PDZD2: variants seen among roughly 807,000 people sequenced by gnomAD.
PDZD2 encodes PDZ domain containing 2.
In PDZD2, 90 loss-of-function variants were observed where a neutral mutation model predicts 220.7. The observed-to-expected ratio is 0.41, with a 90% confidence interval of 0.34 to 0.49. The LOEUF (loss-of-function observed/expected upper bound fraction) is 0.49, where lower values mean the gene tolerates loss of function less well. Ranked by LOEUF, PDZD2 falls within the 20% of genes least tolerant of loss-of-function variation. The pLI, the probability that PDZD2 is intolerant of heterozygous loss-of-function variation, is 0.28. For synonymous variants in PDZD2, 1,375 were observed against 1,450.5 expected, an observed-to-expected ratio of 0.95 and a Z score of 1.18; for missense variants, 3,174 against 3,608.5, an observed-to-expected ratio of 0.88 and a Z score of 3.08.
At chr5:31,654,562 C>T (rs894648272) in intron 1 of PDZD2, among the ~76,000 whole-genome samples, 27 of 152,302 alleles carry the variant, frequency 1.8e-4, no homozygotes, top group Admixed American at 1.8e-3. Flanking sequence ...ACTTGACCCT[C>T]CTGCTGAAGG....
chr5:31,937,713 A>G (rs1180760584), intron 2 of PDZD2, among the ~76,000 whole-genome samples: 1 of 152,134 alleles, frequency 6.6e-6, no homozygotes, highest in African/African-American at 2.4e-5. Flanking sequence ...TTTTCACCCC[A>G]TGTTCCTACC....
At chr5:31,725,515 CA>C (rs1749071966) in intron 1 of PDZD2, 9 of 1,295,192 alleles carry the variant, frequency 6.9e-6, no homozygotes, top group Non-Finnish European at 9.5e-6. Context: ...TAAAAATGAT[CA>C]TGGTTTATAC....
chr5:31,833,837 C>A (rs11740457), intron 2 of PDZD2, among the ~76,000 whole-genome samples: 86,180 of 151,946 alleles, frequency 0.57, 25,006 homozygotes, highest in African/African-American at 0.67. Flanking sequence ...ACCTAGGCTC[C>A]GACTCCCCTG....
chr5:32,076,753 T>C (rs1741341504), intron 18 of PDZD2, among the ~76,000 whole-genome samples: 3 of 152,248 alleles, frequency 2.0e-5, no homozygotes, highest in African/African-American at 7.2e-5. Context: ...TGTTTTTATG[T>C]TACATTTGTG....
chr5:31,729,813 G>GTTGTTTTGTT (rs370346356), intron 1 of PDZD2, among the ~76,000 whole-genome samples: 2,774 of 151,790 alleles, frequency 0.018, 50 homozygotes, highest in South Asian at 0.055. Context: ...AGTTACTTCT[G>GTTGTTTTGTT]TTGTTTTGTT....
chr5:31,699,966 G>T (rs1176854578), intron 1 of PDZD2, among the ~76,000 whole-genome samples: 5 of 152,126 alleles, frequency 3.3e-5, no homozygotes, highest in Non-Finnish European at 7.4e-5. Flanking sequence ...CATCCTGAAA[G>T]CTTGGGGAAC....
chr5:31,869,388 A>C (rs1738537699), intron 2 of PDZD2, among the ~76,000 whole-genome samples: 1 of 152,026 alleles, frequency 6.6e-6, no homozygotes, highest in African/African-American at 2.4e-5. Flanking sequence ...CCCTTGGAAC[A>C]GAAATGTATT....
intron 2 of PDZD2, among the ~76,000 whole-genome samples, chr5:31,875,662 T>G (rs1381020492): frequency 2.7e-5 from 4 of 148,262 alleles, no homozygotes; most frequent in African/African-American, 9.8e-5. Context: ...TTTTAAAATA[T>G]AAGCATATAA....
chr5:31,643,613 C>T (rs1745028344), intron 1 of PDZD2, among the ~76,000 whole-genome samples: 1 of 152,114 alleles, frequency 6.6e-6, no homozygotes, highest in African/African-American at 2.4e-5. Context: ...TCTTGTCTTT[C>T]AATAGCAGTG....
chr5:32,003,291 A>G (rs1453014607), intron 5 of PDZD2, among the ~76,000 whole-genome samples: 1 of 112,326 alleles, frequency 8.9e-6, no homozygotes, highest in Non-Finnish European at 1.8e-5. Flanking sequence ...CACACACACC[A>G]CAGCAAACAC....
At chr5:31,842,629 T>G (rs1757375448) in intron 2 of PDZD2, among the ~76,000 whole-genome samples, 1 of 152,204 alleles carries the variant, frequency 6.6e-6, no homozygotes, top group African/African-American at 2.4e-5. Context: ...TTTTCACAGT[T>G]TCATTGCTTG....
intron 20 of PDZD2, 65 bp downstream of exon 20, chr5:32,091,240 T>C: frequency 7.7e-7 from 1 of 1,303,220 alleles, no homozygotes; most frequent in African/African-American, 1.5e-5. Context: ...GTTTTAGATT[T>C]ATAGAAAAGT....
intron 1 of PDZD2, among the ~76,000 whole-genome samples, chr5:31,642,114 T>C (rs1323640938): frequency 6.6e-6 from 1 of 152,126 alleles, no homozygotes; most frequent in Non-Finnish European, 1.5e-5. Context: ...TGGGGGCATC[T>C]CTGTTGGAAG....
At chr5:31,806,356 T>G (rs1754713457) in intron 2 of PDZD2, among the ~76,000 whole-genome samples, 1 of 152,198 alleles carries the variant, frequency 6.6e-6, no homozygotes, top group Non-Finnish European at 1.5e-5. Context: ...TTGACAGAAC[T>G]TCTGTACCCC....
In PDZD2 at chr5:31,960,290, C is replaced by T. The variant is rs1748096459; in HGVS notation, c.477-22865C>T. ...GGAGTGCCATGGCGCGATCTCGGCT[C>T]ACCACAACCTCCACCCCCCAGGTTC... is the stretch of plus-strand genomic sequence containing the variant. On this transcript the variant is annotated intron_variant, in intron 2 of 24. Transcript: ENST00000438447. 2.0e-5 allele frequency among the ~76,000 whole-genome samples: 3 copies of T among 151,992 alleles called. No individual in the cohort carries two copies. The South Asian group carries it at 6.2e-4, about 32-fold the overall frequency.
At chr5:31,989,437 T>TTTTA (rs1289568126) in intron 3 of PDZD2, among the ~76,000 whole-genome samples, 1 of 149,654 alleles carries the variant, frequency 6.7e-6, no homozygotes, top group East Asian at 2.0e-4. Context: ...TTTTTTTTTT[T>TTTTA]TTTGAGACGA....
intron 1 of PDZD2, among the ~76,000 whole-genome samples, chr5:31,691,441 G>A (rs2150128373): frequency 6.6e-6 from 1 of 152,270 alleles, no homozygotes. Flanking sequence ...TGCCACTGCT[G>A]GCTGGGGCAG....
intron 2 of PDZD2, among the ~76,000 whole-genome samples, chr5:31,931,914 A>G (rs2150392630): frequency 6.6e-6 from 1 of 152,264 alleles, no homozygotes; most frequent in South Asian, 2.1e-4. Context: ...GAGCTTTCTC[A>G]GGTGTGATTC....
At chr5:31,872,882 CA>C (rs957056685) in intron 2 of PDZD2, among the ~76,000 whole-genome samples, 126 of 152,048 alleles carry the variant, frequency 8.3e-4, no homozygotes, top group African/African-American at 3.0e-3. Context: ...GGAACATATA[CA>C]AAAAAACCTG....
Sources: gnomAD v4.1 joint callset for allele counts (sites outside exome capture counted in the v4.1 genomes callset) on GRCh38, gnomAD v4.1.1 for gene constraint, MANE v1.5 for transcripts, NCBI Gene and HGNC (gene_info 2026-07-23, HGNC 2026-07-21) for gene names.